AXL: variants seen among roughly 807,000 people sequenced by gnomAD.
AXL encodes the protein tyrosine-protein kinase receptor UFO.
AXL carries 52 observed loss-of-function variants against 104.5 expected under a neutral mutation model. The ratio of observed to expected loss-of-function variants is 0.50; its 90% CI spans 0.40 to 0.63. The LOEUF is 0.63. Among genes scored for constraint, AXL ranks in the 20% least tolerant of loss-of-function variants. The pLI is 0.00. For synonymous variants in AXL, 455 were observed against 473.7 expected (o/e 0.96, Z 0.51); for missense variants, 1,024 against 1,188.5 (o/e 0.86, Z 2.04).
At chr19:41,240,500 T>TC (rs1429563850) in intron 10 of AXL, among the ~76,000 whole-genome samples, 2 of 151,782 alleles carry the variant, frequency 1.3e-5, no homozygotes, top group African/African-American at 4.8e-5. Context: ...GAATGAGGTA[T>TC]CCTCCTCACA....
intron 3 of AXL, 55 bp from the exon 4 acceptor site, chr19:41,221,825 A>T: frequency 6.3e-7 from 1 of 1,575,250 alleles, no homozygotes. Flanking sequence ...GTGGTGAGTC[A>T]GGCATCTTGG....
At chr19:41,253,040 C>A (rs2034392261) in intron 16 of AXL, 73 bp downstream of exon 16, 2 of 1,515,994 alleles carry the variant, frequency 1.3e-6, no homozygotes, top group East Asian at 4.5e-5. Context: ...CTGCTCAGAC[C>A]CTGGGAAGAC....
intron 4 of AXL, among the ~76,000 whole-genome samples, chr19:41,226,355 C>G (rs551436894): frequency 5.3e-5 from 8 of 152,314 alleles, no homozygotes; most frequent in East Asian, 1.9e-4. Flanking sequence ...TCCCCGCCCC[C>G]ACTCGGGCCG....
chr19:41,237,143 G>A (rs2034094638), intron 6 of AXL, among the ~76,000 whole-genome samples: 2 of 152,126 alleles, frequency 1.3e-5, no homozygotes. Flanking sequence ...GTCTCCCTCA[G>A]GCCCCAGAGA....
At chr19:41,255,167 T>C (rs529695484) in intron 17 of AXL, among the ~76,000 whole-genome samples, 1 of 152,360 alleles carries the variant, frequency 6.6e-6, no homozygotes, top group South Asian at 2.1e-4. Context: ...TTGTACTGCT[T>C]TGTGTCTGGC....
chr19:41,243,835 C>A, intron 12 of AXL, 128 bp downstream of exon 12: 2 of 701,604 alleles, frequency 2.9e-6, no homozygotes, highest in South Asian at 1.7e-5. Flanking sequence ...AATGTCAGAA[C>A]CACAGACCCT....
chr19:41,219,566 G>T, intron 1 of AXL, 89 bp downstream of exon 1: 3 of 1,442,842 alleles, frequency 2.1e-6, no homozygotes, highest in Non-Finnish European at 2.8e-6. Flanking sequence ...GGTGTGGGGG[G>T]CCTGGGCTGG....
At chr19:41,221,007 C>T in intron 2 of AXL, 139 bp from the exon 3 acceptor site, 1 of 1,174,872 alleles carries the variant, frequency 8.5e-7, no homozygotes, top group Non-Finnish European at 1.2e-6. Context: ...TCCTCTTCTG[C>T]AAAATGAGTT....
At chr19:41,255,058 C>T (rs1177284816) in intron 17 of AXL, among the ~76,000 whole-genome samples, 2 of 152,218 alleles carry the variant, frequency 1.3e-5, no homozygotes, top group Admixed American at 1.3e-4. Flanking sequence ...CATGCCTCTT[C>T]GTCTTCCCAA....
At chr19:41,230,377 CTA>C (rs1206511356) in intron 4 of AXL, among the ~76,000 whole-genome samples, 6 of 143,540 alleles carry the variant, frequency 4.2e-5, no homozygotes, top group East Asian at 4.2e-4. Context: ...GCATATGTGT[CTA>C]TGTGTGTGTA....
At chr19:41,241,543 C>CAAAAAAAA (rs11457010) in intron 10 of AXL, among the ~76,000 whole-genome samples, 5 of 66,668 alleles carry the variant, frequency 7.5e-5, no homozygotes, top group East Asian at 3.7e-4. Context: ...GACTCTGTCT[C>CAAAAAAAA]AAAAAAAAAA....
rs11457010 is a variant in AXL, at chr19:41,241,543, C to CAA, written c.1313-1325_1313-1324dup. Among the ~76,000 whole-genome samples the CAA allele has an allele frequency of 9.1e-3, 610 of 66,968 alleles. 9 individuals carry two copies. The highest frequency in any genetic ancestry group is 0.032 in the Middle Eastern group (4 of 124). The allele number at this position is 66,968 out of a possible 152,430, so 43.9% of individuals were successfully genotyped here. A position where few individuals can be genotyped will look rare whatever the true frequency, so the allele number is the denominator to read the frequency against. ...TGGGCAACACAGCAAGACTCTGTCT[C>CAA]AAAAAAAAAAAAAAAAGAAAGAAAG... On this transcript the variant is annotated intron_variant, in intron 10 of 19. Transcript: ENST00000301178.
At position 41,230,988 on chromosome 19, in the gene AXL, T is replaced by C. The variant is rs768067241; in HGVS notation, c.608T>C (p.Phe203Ser). Residue 203 changes from phenylalanine (F) to serine (S), a missense_variant, in exon 5 of 20, where the codon TTC becomes TCC. Phe to Ser is a radical substitution (Grantham distance 155). Transcript: ENST00000301178. ...HVPGLNKTSS[F>S]SCEAHNAKGV... is the part of the protein sequence containing the mutation. The stretch of plus-strand genomic sequence containing the variant: ...CTAGGGCTGAACAAGACATCCTCTT[T>C]CTCCTGCGAAGCCCATAACGCCAAG... The C allele has an allele frequency of 1.9e-6, 3 of 1,613,778 alleles. No homozygotes were observed. Among genetic ancestry groups the C allele is most frequent in the Non-Finnish European group, 2.5e-6 (3 of 1,179,876 alleles).
intron 17 of AXL, among the ~76,000 whole-genome samples, chr19:41,254,550 C>CA (rs2034424358): frequency 6.6e-6 from 1 of 151,104 alleles, no homozygotes; most frequent in Non-Finnish European, 1.5e-5. Flanking sequence ...AAAGAAAGAA[C>CA]AAAAAATCCC....
At chr19:41,229,484 C>CT (rs992882701) in intron 4 of AXL, among the ~76,000 whole-genome samples, 3 of 152,124 alleles carry the variant, frequency 2.0e-5, no homozygotes, top group African/African-American at 7.2e-5. Flanking sequence ...AGGCTGGTCT[C>CT]TAACTCCTGG....
At chr19:41,227,294 A>G (rs1158385010) in intron 4 of AXL, among the ~76,000 whole-genome samples, 2 of 152,102 alleles carry the variant, frequency 1.3e-5, no homozygotes, top group African/African-American at 4.8e-5. Flanking sequence ...TATACTACAC[A>G]TAACTTTCTT....
In AXL at chr19:41,248,502, C is replaced by A. The variant is rs1309066772; in HGVS notation, c.1538-12C>A. On this transcript the variant is annotated splice_polypyrimidine_tract_variant and intron_variant, in intron 12 of 19. Coordinates refer to ENST00000301178, the MANE Select transcript of AXL (RefSeq NM_021913.5). ...TGCTCCATGACTCTGTCCACCCCAA[C>A]CTTGCATGCAGTGAACAGCCTGGGC... 2 of 1,613,894 alleles carry A rather than the reference C, an allele frequency of 1.2e-6. No homozygotes were observed. The highest frequency in any genetic ancestry group is 1.1e-5 in the South Asian group (1 of 91,082).
At chr19:41,253,504 G>T in intron 16 of AXL, 95 bp from the exon 17 acceptor site, 1 of 923,244 alleles carries the variant, frequency 1.1e-6, no homozygotes, top group Middle Eastern at 2.1e-4. Context: ...GGAAACCACT[G>T]CGGGCAGAGC....
At chr19:41,253,061 A>G in intron 16 of AXL, 94 bp downstream of exon 16, 2 of 1,396,102 alleles carry the variant, frequency 1.4e-6, no homozygotes, top group Middle Eastern at 2.3e-4. Flanking sequence ...CACGGTGACC[A>G]GGAGCTTGCT....
Sources: allele counts gnomAD v4.1 joint callset (sites outside exome capture counted in the v4.1 genomes callset), GRCh38; gene constraint gnomAD v4.1.1; transcripts MANE v1.5; gene names NCBI Gene and HGNC (gene_info 2026-07-23, HGNC 2026-07-21).